CCR3: variants seen among roughly 807,000 people sequenced by gnomAD.
CCR3 encodes the protein C-C motif chemokine receptor 3, also known as C-C chemokine receptor type 3.
For missense variants in CCR3, 419 were observed against 437.5 expected (o/e 0.96, Z 0.38); for synonymous variants, 203 against 179.2 (o/e 1.13, Z -1.06).
At chr3:46,255,226 AC>A (rs1700397428) in intron 1 of CCR3, among the ~76,000 whole-genome samples, 1 of 152,140 alleles carries the variant, frequency 6.6e-6, no homozygotes, top group Non-Finnish European at 1.5e-5. Context: ...TCCTTAGCCT[AC>A]TTTTTGATGG....
Position 46,266,318 on chromosome 3 carries a change from A to C in CCR3, c.*92A>C, listed in dbSNP as rs200107256. On this transcript the variant is annotated 3_prime_UTR_variant, in exon 2 of 2. Coordinates refer to ENST00000395940, the MANE Select transcript of CCR3 (RefSeq NM_178329.3). ...ACACTCACCTCTAAAACAGTCCTTC[A>C]AACTTCCAGTGCAACACTGAAGCTC... is the stretch of plus-strand genomic sequence containing the variant. The C allele has an allele frequency of 3.7e-4, 276 of 756,160 alleles. No homozygotes were observed. In the Middle Eastern group the frequency reaches 5.0e-3, roughly 14 times the overall value. The allele number at this position is 756,160 out of a possible 1,614,324, so 46.8% of individuals were successfully genotyped here. A position where few individuals can be genotyped will look rare whatever the true frequency, so the allele number is the denominator to read the frequency against.
upstream of CCR3, among the ~76,000 whole-genome samples, chr3:46,237,595 TTATAAG>T (rs367578234): frequency 4.3e-3 from 660 of 152,352 alleles, 6 homozygotes; most frequent in African/African-American, 0.015. Flanking sequence ...TTTTAATCCA[TTATAAG>T]TATATTTTTG....
At chr3:46,214,905 C>T (rs1295004096) in intron 2 of CCR3, among the ~76,000 whole-genome samples, 1 of 152,178 alleles carries the variant, frequency 6.6e-6, no homozygotes, top group Non-Finnish European at 1.5e-5. Flanking sequence ...ATGTCCCTTC[C>T]TGTCCCCAAA....
chr3:46,254,600 A>C (rs1201563224), intron 1 of CCR3, among the ~76,000 whole-genome samples: 5 of 151,794 alleles, frequency 3.3e-5, no homozygotes, highest in Non-Finnish European at 7.4e-5. Flanking sequence ...CAGTGTGTAC[A>C]CTGTACTCAA....
intron 2 of CCR3, among the ~76,000 whole-genome samples, chr3:46,231,372 A>C (rs1044381236): frequency 6.6e-6 from 1 of 152,244 alleles, no homozygotes; most frequent in Non-Finnish European, 1.5e-5. Context: ...GCTCCAAAAC[A>C]CTTTATTACT....
At chr3:46,224,549 C>T (rs1387822909) in intron 2 of CCR3, among the ~76,000 whole-genome samples, 5 of 151,784 alleles carry the variant, frequency 3.3e-5, no homozygotes, top group African/African-American at 4.8e-5. Flanking sequence ...ATATCCTGGC[C>T]AACATGGTGA....
At chr3:46,264,626 A>G (rs931085570) in intron 1 of CCR3, 1 of 565,294 alleles carries the variant, frequency 1.8e-6, no homozygotes, top group African/African-American at 2.0e-5. Context: ...TTCCCCATTA[A>G]CTATAATGAA....
intron 1 of CCR3, among the ~76,000 whole-genome samples, chr3:46,243,021 T>TATATA (rs1700123419): frequency 7.9e-5 from 5 of 63,388 alleles, no homozygotes; most frequent in Non-Finnish European, 1.1e-4. Flanking sequence ...ACACATACAT[T>TATATA]TTTATATATA....
intron 2 of CCR3, among the ~76,000 whole-genome samples, chr3:46,218,128 T>C (rs1435283541): frequency 6.6e-6 from 1 of 151,548 alleles, no homozygotes; most frequent in Admixed American, 6.6e-5. Flanking sequence ...AGAAATGAAA[T>C]GGGAGATACT....
At chr3:46,214,833 A>T (rs902655935) in intron 2 of CCR3, among the ~76,000 whole-genome samples, 2 of 152,164 alleles carry the variant, frequency 1.3e-5, no homozygotes. Flanking sequence ...AGCAGAAAGC[A>T]GACACTGGGG....
At chr3:46,254,071 C>A (rs1700369275) in intron 1 of CCR3, among the ~76,000 whole-genome samples, 1 of 152,032 alleles carries the variant, frequency 6.6e-6, no homozygotes, top group South Asian at 2.1e-4. Context: ...GATTTATGTA[C>A]CAAAAAGCCA....
intron 2 of CCR3, among the ~76,000 whole-genome samples, chr3:46,212,869 T>C (rs1699732988): frequency 6.6e-6 from 1 of 152,156 alleles, no homozygotes; most frequent in Non-Finnish European, 1.5e-5. Context: ...CAGGAAGTCA[T>C]CAATGAAAGA....
intron 2 of CCR3, among the ~76,000 whole-genome samples, chr3:46,229,930 G>A (rs1174998604): frequency 6.6e-6 from 1 of 152,176 alleles, no homozygotes; most frequent in East Asian, 1.9e-4. Context: ...CCCAGGCAGA[G>A]CCCTTAGGGT....
chr3:46,232,428 T>C (rs1699975463), intron 2 of CCR3, among the ~76,000 whole-genome samples: 1 of 152,176 alleles, frequency 6.6e-6, no homozygotes, highest in Non-Finnish European at 1.5e-5. Flanking sequence ...CAAGCGGTAG[T>C]AGACGCATCC....
At chr3:46,227,538 C>T (rs1466868249) in intron 2 of CCR3, among the ~76,000 whole-genome samples, 1 of 151,568 alleles carries the variant, frequency 6.6e-6, no homozygotes, top group East Asian at 1.9e-4. Flanking sequence ...TATATTTTCT[C>T]TTTATTTTTG....
At chr3:46,256,512 GATTT>G (rs1700427969) in intron 1 of CCR3, among the ~76,000 whole-genome samples, 1 of 152,026 alleles carries the variant, frequency 6.6e-6, no homozygotes, top group East Asian at 1.9e-4. Flanking sequence ...CCTATAGGTG[GATTT>G]ATTTTGAAAA....
At chr3:46,252,017 G>A (rs181377603) in intron 1 of CCR3, among the ~76,000 whole-genome samples, 1 of 152,212 alleles carries the variant, frequency 6.6e-6, no homozygotes, top group Admixed American at 6.5e-5. Context: ...GCATATATGT[G>A]CAAGTCACAG....
chr3:46,243,787 G>T (rs1322398372), intron 1 of CCR3, among the ~76,000 whole-genome samples: 2 of 152,074 alleles, frequency 1.3e-5, no homozygotes, highest in African/African-American at 4.8e-5. Flanking sequence ...GAAAAAAGCA[G>T]ATCTGTACAG....
chr3:46,238,759 T>A, upstream of CCR3, among the ~76,000 whole-genome samples: 1 of 152,152 alleles, frequency 6.6e-6, no homozygotes, highest in Admixed American at 6.5e-5. Context: ...TGGGGGGACC[T>A]GAGGGACCCT....
Sources: allele counts gnomAD v4.1 joint callset (sites outside exome capture counted in the v4.1 genomes callset), GRCh38; gene constraint gnomAD v4.1.1; transcripts MANE v1.5; gene names NCBI Gene and HGNC (gene_info 2026-07-23, HGNC 2026-07-21).